The following SYNE2 variants were observed in gnomAD, a reference collection of about 807,000 sequenced individuals.
SYNE2 encodes spectrin repeat containing nuclear envelope protein 2.
A neutral mutation model predicts 856.3 loss-of-function variants in SYNE2; 431 were observed. The ratio of observed to expected loss-of-function variants is 0.50; its 90% CI spans 0.47 to 0.55. SYNE2 has a LOEUF of 0.55. SYNE2 is among the 20% of genes least tolerant of loss of function. The pLI is 0.00. For synonymous variants in SYNE2, 2,923 were observed against 2,872.3 expected, an observed-to-expected ratio of 1.02 and a Z score of -0.56; for missense variants, 8,129 against 8,023.2, an observed-to-expected ratio of 1.01 and a Z score of -0.50.
intron 1 of SYNE2, among the ~76,000 whole-genome samples, chr14:63,836,310 C>T (rs895139727): frequency 1.3e-5 from 2 of 152,158 alleles, no homozygotes; most frequent in South Asian, 4.1e-4. Flanking sequence ...GGGCATTAGT[C>T]ACCACACCCA....
At chr14:64,132,480 C>T (rs769264927) in intron 77 of SYNE2, 42 bp downstream of exon 77, 4 of 1,612,114 alleles carry the variant, frequency 2.5e-6, no homozygotes, top group Non-Finnish European at 3.4e-6. Flanking sequence ...CTGGGAATTG[C>T]TGATTTTCCA....
chr14:63,992,805 T>C (rs1290822368), intron 21 of SYNE2, among the ~76,000 whole-genome samples: 1 of 152,118 alleles, frequency 6.6e-6, no homozygotes, highest in East Asian at 1.9e-4. Flanking sequence ...TGTCCCCAGG[T>C]CATAAATCTA....
At chr14:64,214,135 CTT>C in intron 105 of SYNE2, 57 bp from the exon 106 acceptor site, 1 of 1,613,682 alleles carries the variant, frequency 6.2e-7, no homozygotes. Context: ...TTCTCATGCT[CTT>C]CTAATTGCAG....
At chr14:64,048,330 C>T (rs2153571885) in intron 46 of SYNE2, 175 bp downstream of exon 46, 1 of 528,664 alleles carries the variant, frequency 1.9e-6, no homozygotes, top group Non-Finnish European at 3.2e-6. Flanking sequence ...ATAAATCTTT[C>T]CATTTAGAAA....
intron 67 of SYNE2, among the ~76,000 whole-genome samples, chr14:64,120,685 C>T (rs144254668): frequency 1.3e-5 from 2 of 152,240 alleles, no homozygotes; most frequent in African/African-American, 4.8e-5. Flanking sequence ...ATCCCTTGAA[C>T]CCAAGAGGTG....
chr14:63,998,987 A>G lies in SYNE2; in HGVS notation c.3427A>G (p.Ser1143Gly), dbSNP rs1171105659. The G allele has an allele frequency of 6.2e-7, 1 of 1,613,892 alleles. No individual in the cohort carries two copies. The highest frequency in any genetic ancestry group is 8.5e-7 in the Non-Finnish European group (1 of 1,179,870). ...ATTCAGGATTACTTCTGATTTCTCT[A>G]GTGAAGAGGACAGGAGTAGTTCTTG... The part of the protein sequence containing the change: ...NKFRITSDFS[S>G]EEDRSSSCLQ... Residue 1143 changes from serine (S) to glycine (G), a missense_variant, in exon 27 of 116, where the codon AGT (serine) becomes GGT (glycine). By Grantham distance (56) the Ser-to-Gly change is moderately conservative. This residue lies in a region of SYNE2 where 2,422 missense variants were observed against 2,357.4 expected (regional missense o/e 1.03). Coordinates refer to ENST00000555002, the MANE Select transcript of SYNE2 (RefSeq NM_182914.3).
chr14:63,954,773 T>C lies in SYNE2; in HGVS notation c.645T>C (p.Ala215=). Reference sequence around the variant, plus strand: ...AGTCAAGTTGGAGAAATGGGATGGCTTTTTTGGCCATCATTCATGCCTTGC... The same window carrying C: ...AGTCAAGTTGGAGAAATGGGATGGCCTTTTTGGCCATCATTCATGCCTTGC... The part of the protein sequence containing the change: ...DFKSSWRNGM[A]FLAIIHALRP... The change falls in exon 8 of 116, where the codon GCT becomes GCC. Residue 215 remains alanine (A), a synonymous_variant. Coordinates refer to ENST00000555002, the MANE Select transcript of SYNE2 (RefSeq NM_182914.3). The C allele has an allele frequency of 6.2e-7, 1 of 1,613,892 alleles. No individual in the cohort carries two copies. The highest frequency in any genetic ancestry group is 1.1e-5 in the South Asian group (1 of 91,068).
intron 76 of SYNE2, among the ~76,000 whole-genome samples, chr14:64,130,518 C>G (rs1388034352): frequency 6.6e-6 from 1 of 152,124 alleles, no homozygotes; most frequent in Non-Finnish European, 1.5e-5. Flanking sequence ...AGTCTTCAAA[C>G]AAATTTAAAA....
chr14:64,072,653 C>A (rs7154204), intron 52 of SYNE2, among the ~76,000 whole-genome samples: 6,361 of 152,242 alleles, frequency 0.042, 465 homozygotes, highest in African/African-American at 0.14. Flanking sequence ...GCATGTGCCA[C>A]CACACCCGGC....
chr14:64,203,480 C>T (rs1209481099), intron 100 of SYNE2, among the ~76,000 whole-genome samples: 1 of 152,184 alleles, frequency 6.6e-6, no homozygotes, highest in Non-Finnish European at 1.5e-5. Flanking sequence ...TATGCATGCT[C>T]TGAGCCAACC....
chr14:64,030,123 GATTA>G, intron 44 of SYNE2, 64 bp downstream of exon 44: 2 of 1,488,260 alleles, frequency 1.3e-6, no homozygotes, highest in Non-Finnish European at 1.9e-6. Flanking sequence ...ATTACAGTGT[GATTA>G]ATCAGTGTCC....
At chr14:64,103,895 C>T (rs553506056) in intron 64 of SYNE2, among the ~76,000 whole-genome samples, 1 of 152,322 alleles carries the variant, frequency 6.6e-6, no homozygotes, top group South Asian at 2.1e-4. Flanking sequence ...CAAGAAACCT[C>T]CTGACATCCT....
intron 53 of SYNE2, among the ~76,000 whole-genome samples, chr14:64,074,689 AG>A (rs2097442856): frequency 6.6e-6 from 1 of 152,178 alleles, no homozygotes; most frequent in African/African-American, 2.4e-5. Context: ...TGGGGTCAGG[AG>A]GTCAAGACCA....
At chr14:64,193,123 C>T (rs906043156) in intron 99 of SYNE2, among the ~76,000 whole-genome samples, 8 of 152,200 alleles carry the variant, frequency 5.3e-5, no homozygotes, top group East Asian at 1.9e-4. Context: ...TGAACAGTGG[C>T]GACAAGAACC....
intron 11 of SYNE2, among the ~76,000 whole-genome samples, chr14:63,975,432 A>T (rs977095430): frequency 2.6e-5 from 4 of 152,146 alleles, no homozygotes; most frequent in African/African-American, 9.7e-5. Context: ...TCCTGGGCTC[A>T]AGTGATCCTC....
At chr14:64,208,573 G>A (rs1484127107) in intron 100 of SYNE2, among the ~76,000 whole-genome samples, 185 bp from the exon 101 acceptor site, 6 of 152,172 alleles carry the variant, frequency 3.9e-5, no homozygotes, top group Non-Finnish European at 7.3e-5. Flanking sequence ...GTCAGGTGCT[G>A]ACAGCACAAG....
At chr14:64,128,147 A>G (rs1181367304) in intron 73 of SYNE2, among the ~76,000 whole-genome samples, 2 of 152,216 alleles carry the variant, frequency 1.3e-5, no homozygotes, top group Non-Finnish European at 2.9e-5. Context: ...AAGGATCTTT[A>G]TCTTTTAGAA....
chr14:64,202,925 G>C lies in SYNE2; in HGVS notation c.18163G>C (p.Asp6055His), dbSNP rs543875232. The change falls in exon 100 of 116, where the codon GAT becomes CAT. Residue 6055 changes from aspartate to histidine, a missense_variant. By Grantham distance (81) the Asp-to-His change is moderately conservative (BLOSUM62 -1). Coordinates refer to ENST00000555002, the MANE Select transcript of SYNE2 (RefSeq NM_182914.3). ...CAAGCCTGTTGTTTATGATGTCTGC[G>C]ATGATCAAGAGATCCAGAAGAGGCT... The part of the protein sequence containing the change: ...LSKPVVYDVC[D>H]DQEIQKRLAE... 3 of 1,614,156 alleles carry C rather than the reference G, an allele frequency of 1.9e-6. No individual in the cohort carries two copies. The highest frequency in any genetic ancestry group is 2.5e-6 in the Non-Finnish European group (3 of 1,180,030).
At chr14:63,839,744 A>T (rs1275041729) in intron 1 of SYNE2, among the ~76,000 whole-genome samples, 4 of 152,060 alleles carry the variant, frequency 2.6e-5, no homozygotes, top group African/African-American at 9.7e-5. Context: ...TAAAAAATAG[A>T]TATTTTCTGG....
Sources: gnomAD v4.1 joint callset for allele counts (sites outside exome capture counted in the v4.1 genomes callset) on GRCh38, gnomAD v4.1.1 for gene constraint, gnomAD v4.1.1 regional missense constraint, MANE v1.5 for transcripts, NCBI Gene and HGNC (gene_info 2026-07-23, HGNC 2026-07-21) for gene names.